The following ARL13B variants were observed in gnomAD, a reference collection of about 807,000 sequenced individuals.
ARL13B encodes ADP-ribosylation factor-like protein 13B.
In ARL13B, 36 loss-of-function variants were observed where a neutral mutation model predicts 56.1. That is an observed-to-expected ratio of 0.64 (90% CI 0.49 to 0.85). ARL13B has a LOEUF of 0.85. ARL13B is among the 40% of genes least tolerant of loss of function. The pLI is 0.00. For missense variants in ARL13B, 519 were observed against 507.1 expected, an observed-to-expected ratio of 1.02 and a Z score of -0.23; for synonymous variants, 178 against 171.1, an observed-to-expected ratio of 1.04 and a Z score of -0.32.
chr3:94,009,708 AGTGGAGC>A (rs1050975204), intron 3 of ARL13B, among the ~76,000 whole-genome samples: 2 of 152,026 alleles, frequency 1.3e-5, no homozygotes, highest in Non-Finnish European at 2.9e-5. Flanking sequence ...CTCTCCTTTC[AGTGGAGC>A]GTTACCACAC....
At chr3:94,002,518 A>T (rs1308029351) in intron 2 of ARL13B, among the ~76,000 whole-genome samples, 1 of 152,058 alleles carries the variant, frequency 6.6e-6, no homozygotes, top group South Asian at 2.1e-4. Flanking sequence ...TTTCTGTGGG[A>T]TAATATTTAT....
intron 9 of ARL13B, 91 bp downstream of exon 9, chr3:94,050,983 G>A (rs1424332974): frequency 8.0e-7 from 1 of 1,251,684 alleles, no homozygotes; most frequent in African/African-American, 1.5e-5. Flanking sequence ...TTATGTTTTA[G>A]TTTTAGAAGC....
At chr3:94,040,803 A>G (rs190464942) in intron 6 of ARL13B, among the ~76,000 whole-genome samples, 35 of 152,226 alleles carry the variant, frequency 2.3e-4, no homozygotes, top group African/African-American at 7.2e-4. Flanking sequence ...CTTTGAAACA[A>G]CAATTATTCT....
At chr3:94,040,186 G>A (rs1166757979) in intron 6 of ARL13B, among the ~76,000 whole-genome samples, 198 bp downstream of exon 6, 2 of 152,152 alleles carry the variant, frequency 1.3e-5, no homozygotes, top group Non-Finnish European at 2.9e-5. Context: ...TGAATCTAGT[G>A]TGAAAGGGGG....
intron 1 of ARL13B, 53 bp downstream of exon 1, chr3:93,980,535 C>T (rs1287096709): frequency 1.8e-5 from 29 of 1,599,526 alleles, no homozygotes; most frequent in Non-Finnish European, 2.5e-5. Context: ...ATGGCTGCGC[C>T]CCAGGGGCGA....
chr3:93,993,814 A>C (rs536604590), intron 1 of ARL13B, among the ~76,000 whole-genome samples: 1 of 152,212 alleles, frequency 6.6e-6, no homozygotes. Flanking sequence ...TAAAGCAGGT[A>C]CATTTCCAGA....
rs1491123023 is a variant in ARL13B, at chr3:94,055,157, T to TA, written c.*1900dup. The TA allele has an allele frequency of 1.6e-5, 6 of 368,566 alleles. No individual in the cohort carries two copies. The highest frequency in any genetic ancestry group is 1.1e-4 in the African/African-American group (5 of 46,442). The allele number at this position is 368,566 out of a possible 1,614,324, so 22.8% of individuals were successfully genotyped here. On this transcript the variant is annotated 3_prime_UTR_variant, in exon 10 of 10. Coordinates refer to ENST00000394222, the MANE Select transcript of ARL13B (RefSeq NM_001174150.2). ...TTCCTTAAGCATTTTAAAAACATTTTAAAAAATGTTTTGTAAATCCAGGTG... is the reference window on the plus strand; with the variant it reads ...TTCCTTAAGCATTTTAAAAACATTTTAAAAAAATGTTTTGTAAATCCAGGTG...
At chr3:93,981,865 C>CAAAAAAAAAAAA (rs11396818) in intron 1 of ARL13B, among the ~76,000 whole-genome samples, 1 of 68,386 alleles carries the variant, frequency 1.5e-5, no homozygotes. Flanking sequence ...AACCCTGTCT[C>CAAAAAAAAAAAA]AAAAAAAAAA....
At chr3:94,049,309 G>T in intron 7 of ARL13B, 97 bp from the exon 8 acceptor site, 1 of 665,738 alleles carries the variant, frequency 1.5e-6, no homozygotes, top group Non-Finnish European at 2.6e-6. Flanking sequence ...GATGTTTTTT[G>T]TTAATAATAT....
At chr3:93,986,495 A>G (rs1039156037) in intron 1 of ARL13B, among the ~76,000 whole-genome samples, 4 of 152,140 alleles carry the variant, frequency 2.6e-5, no homozygotes, top group Non-Finnish European at 5.9e-5. Context: ...ACCTTGTTCT[A>G]AAGTCTTTTT....
chr3:94,044,174 C>T (rs543423622), intron 7 of ARL13B, among the ~76,000 whole-genome samples: 298 of 149,884 alleles, frequency 2.0e-3, no homozygotes, highest in African/African-American at 6.6e-3. Flanking sequence ...AAGTGTGGAG[C>T]GCCTCTGCCT....
chr3:94,055,627 A>G lies in ARL13B; in HGVS notation c.*2364A>G. On this transcript the variant is annotated 3_prime_UTR_variant, in exon 10 of 10. Coordinates refer to ENST00000394222, the MANE Select transcript of ARL13B (RefSeq NM_001174150.2). ...GTAAAATGCATATTACGTAGTATAC[A>G]TGATATTGTATGTAACTGACTTCAA... The G allele has an allele frequency of 2.2e-6, 1 of 453,808 alleles. No individual in the cohort carries two copies. The highest frequency in any genetic ancestry group is 4.4e-6 in the Non-Finnish European group (1 of 226,598). The allele number at this position is 453,808 out of a possible 1,614,324, so 28.1% of individuals were successfully genotyped here.
Position 94,054,958 on chromosome 3 carries a change from G to T in ARL13B, c.*1695G>T. ...ATTTTAAAACTAAACTCATACTTTT[G>T]CTATCTTTTTAATATTTATCTCGTT... On this transcript the variant is annotated 3_prime_UTR_variant, in exon 10 of 10. Transcript: ENST00000394222. The T allele has an allele frequency of 7.1e-6, 2 of 279,722 alleles. No homozygotes were observed. The highest frequency in any genetic ancestry group is 1.4e-5 in the Non-Finnish European group (2 of 141,836). 17.3% of individuals were successfully genotyped at this position (279,722 alleles called of 1,614,324 possible). A position where few individuals can be genotyped will look rare whatever the true frequency, so the allele number is the denominator to read the frequency against.
chr3:94,048,391 C>G (rs1242001590), intron 7 of ARL13B, among the ~76,000 whole-genome samples: 1 of 152,064 alleles, frequency 6.6e-6, no homozygotes, highest in Non-Finnish European at 1.5e-5. Context: ...CTATGTCATC[C>G]TAATTTACCT....
At chr3:94,017,247 C>G (rs1375465917) in intron 3 of ARL13B, among the ~76,000 whole-genome samples, 1 of 152,076 alleles carries the variant, frequency 6.6e-6, no homozygotes, top group South Asian at 2.1e-4. Flanking sequence ...GTCTTCTAAA[C>G]AAAGGTCTGT....
At chr3:94,029,301 CAT>C (rs1242349606) in intron 3 of ARL13B, among the ~76,000 whole-genome samples, 2,546 of 77,090 alleles carry the variant, frequency 0.033, 51 homozygotes, top group East Asian at 0.054. Flanking sequence ...CTATCAAAAT[CAT>C]ATATATATAT....
chr3:94,027,090 C>T (rs759363235), intron 3 of ARL13B, among the ~76,000 whole-genome samples: 19 of 152,102 alleles, frequency 1.2e-4, no homozygotes, highest in Admixed American at 3.3e-4. Context: ...TAGGCCATTT[C>T]TTTTCATAGT....
At chr3:94,037,637 A>C (rs2076791573) in intron 5 of ARL13B, among the ~76,000 whole-genome samples, 1 of 151,958 alleles carries the variant, frequency 6.6e-6, no homozygotes, top group Non-Finnish European at 1.5e-5. Context: ...TTTTTTTCTT[A>C]GTATGTATTT....
At chr3:94,007,425 T>C (rs2107453516) in intron 3 of ARL13B, among the ~76,000 whole-genome samples, 1 of 152,216 alleles carries the variant, frequency 6.6e-6, no homozygotes, top group Middle Eastern at 3.4e-3. Flanking sequence ...TCTCATTCTG[T>C]TTTCATGGTG....
Sources: allele counts gnomAD v4.1 joint callset (sites outside exome capture counted in the v4.1 genomes callset), GRCh38; gene constraint gnomAD v4.1.1; transcripts MANE v1.5; gene names NCBI Gene and HGNC (gene_info 2026-07-23, HGNC 2026-07-21).